The following ASPH variants were observed in gnomAD, a reference collection of about 807,000 sequenced individuals.
ASPH encodes aspartyl/asparaginyl beta-hydroxylase.
A neutral mutation model predicts 118.4 loss-of-function variants in ASPH; 100 were observed. The observed-to-expected ratio is 0.84, with a 90% CI of 0.72 to 1.00. The LOEUF (loss-of-function observed/expected upper bound fraction) is 1.00, where lower values mean the gene tolerates loss of function less well. Ranked by LOEUF, ASPH falls within the 50% of genes least tolerant of loss-of-function variation. The probability of loss-of-function intolerance (pLI) is 0.00; values close to 1 mark genes in which losing one functional copy is unlikely to be tolerated. For synonymous variants in ASPH, 315 were observed against 325.6 expected (o/e 0.97, Z 0.35); for missense variants, 920 against 919.5 (o/e 1.00, Z -0.01).
At chr8:61,670,388 T>C (rs1194362703) in intron 3 of ASPH, among the ~76,000 whole-genome samples, 1 of 151,980 alleles carries the variant, frequency 6.6e-6, no homozygotes, top group Non-Finnish European at 1.5e-5. Context: ...TTTATTATGT[T>C]ACTTACTAAA....
intron 21 of ASPH, among the ~76,000 whole-genome samples, chr8:61,545,822 C>T (rs964051930): frequency 6.6e-6 from 1 of 152,140 alleles, no homozygotes; most frequent in African/African-American, 2.4e-5. Flanking sequence ...AGGGTTTGAT[C>T]TGTTGGTTTA....
chr8:61,711,914 T>C (rs780499236), intron 1 of ASPH, among the ~76,000 whole-genome samples: 2 of 152,224 alleles, frequency 1.3e-5, no homozygotes, highest in Non-Finnish European at 2.9e-5. Context: ...GACAAAAGCA[T>C]AGTTTTCTCC....
rs913134482 is a variant in ASPH at position 61,502,617 on chromosome 8, C to G, written c.*742G>C. 19 of 152,210 alleles carry G rather than the reference C, an allele frequency of 1.2e-4. No homozygotes were observed. The highest frequency in any genetic ancestry group is 1.2e-3 in the Admixed American group (19 of 15,278). The allele number at this position is 152,210 out of a possible 1,614,324, so 9.4% of individuals were successfully genotyped here. ...TAACAATATAAAATAATTCCATGCT[C>G]TTTTTTCGGTGTGAAAAGTTCCTCT... On this transcript the variant is annotated 3_prime_UTR_variant, in exon 25 of 25. Transcript: ENST00000379454.
At chr8:61,508,986 G>A (rs1471883646) in intron 24 of ASPH, among the ~76,000 whole-genome samples, 1 of 151,846 alleles carries the variant, frequency 6.6e-6, no homozygotes, top group East Asian at 1.9e-4. Flanking sequence ...TAAGCAAAAC[G>A]TAAAACTGCA....
At chr8:61,685,288 T>C (rs1294909497) in intron 1 of ASPH, among the ~76,000 whole-genome samples, 3 of 152,056 alleles carry the variant, frequency 2.0e-5, no homozygotes, top group East Asian at 3.9e-4. Flanking sequence ...AAAAAAAACA[T>C]CCCCAGACAT....
intron 1 of ASPH, among the ~76,000 whole-genome samples, chr8:61,710,464 GATT>G (rs1165968262): frequency 1.3e-5 from 2 of 152,206 alleles, no homozygotes; most frequent in Non-Finnish European, 2.9e-5. Context: ...CTATGAGACA[GATT>G]ATTTTAAAGC....
chr8:61,532,852 T>C (rs1415182179), intron 21 of ASPH, among the ~76,000 whole-genome samples: 1 of 152,184 alleles, frequency 6.6e-6, no homozygotes, highest in African/African-American at 2.4e-5. Flanking sequence ...CTCTGTGCCT[T>C]AGTTTATAAA....
In ASPH at chr8:61,516,776, T is replaced by C. The variant is rs143536288; in HGVS notation, c.2126+752A>G. Among the ~76,000 whole-genome samples, 96 of 152,218 alleles carry C rather than the reference T, an allele frequency of 6.3e-4. No homozygotes were observed. In the East Asian group the frequency reaches 0.011, roughly 18 times the overall value. On this transcript the variant is annotated intron_variant, in intron 24 of 24. Coordinates refer to ENST00000379454, the MANE Select transcript of ASPH (RefSeq NM_004318.4). Reference sequence around the variant, plus strand: ...CTAGGGACAGAGATTATCAGCATCATAGGTACAGAAGCCAGAGCAAGTATG... The same window carrying C: ...CTAGGGACAGAGATTATCAGCATCACAGGTACAGAAGCCAGAGCAAGTATG...
At chr8:61,510,621 T>C (rs994264186) in intron 24 of ASPH, among the ~76,000 whole-genome samples, 1 of 152,150 alleles carries the variant, frequency 6.6e-6, no homozygotes, top group African/African-American at 2.4e-5. Flanking sequence ...GGTAGAGAAA[T>C]GTATGTGTGC....
chr8:61,689,224 T>C (rs1291566172), intron 1 of ASPH, among the ~76,000 whole-genome samples: 1 of 152,204 alleles, frequency 6.6e-6, no homozygotes, highest in Non-Finnish European at 1.5e-5. Flanking sequence ...CTGCTTCACA[T>C]AAAAGTAGGT....
intron 14 of ASPH, among the ~76,000 whole-genome samples, chr8:61,603,004 C>A (rs1461070486): frequency 1.3e-5 from 2 of 151,702 alleles, no homozygotes; most frequent in African/African-American, 4.8e-5. Flanking sequence ...ACCAGTCTGG[C>A]CAACATGGTG....
At chr8:61,572,570 C>T (rs1178909528) in intron 16 of ASPH, among the ~76,000 whole-genome samples, 1 of 152,160 alleles carries the variant, frequency 6.6e-6, no homozygotes, top group Non-Finnish European at 1.5e-5. Context: ...CAGGGGTCAG[C>T]CTTGAGTCCT....
chr8:61,589,469 C>A (rs142486585), intron 14 of ASPH, among the ~76,000 whole-genome samples: 23 of 152,288 alleles, frequency 1.5e-4, no homozygotes, highest in Non-Finnish European at 3.2e-4. Context: ...CTTACCTGCA[C>A]ACAAAAAGGA....
Position 61,584,036 on chromosome 8 carries a change from G to GA in ASPH, c.977-8dup, listed in dbSNP as rs1474066912. ...TTAGGCTTCTTTTTCTTAACTGAAA[G>GA]AAAAAAGAGATTTTTATTTTTAACG... On this transcript the variant is annotated splice_polypyrimidine_tract_variant and splice_region_variant and intron_variant, in intron 14 of 24. Coordinates refer to ENST00000379454, the MANE Select transcript of ASPH (RefSeq NM_004318.4). The GA allele has an allele frequency of 2.8e-6, 4 of 1,452,952 alleles. No individual in the cohort carries two copies. Among genetic ancestry groups the GA allele is most frequent in the African/African-American group, 2.9e-5 (2 of 69,226 alleles). The allele number at this position is 1,452,952 out of a possible 1,614,324, so 90.0% of individuals were successfully genotyped here.
At chr8:61,708,160 T>C (rs1194179108) in intron 1 of ASPH, among the ~76,000 whole-genome samples, 1 of 152,222 alleles carries the variant, frequency 6.6e-6, no homozygotes, top group South Asian at 2.1e-4. Context: ...CATTACTCTC[T>C]ACAATTATTT....
chr8:61,714,099 C>G (rs1838763268), intron 1 of ASPH, among the ~76,000 whole-genome samples, 170 bp downstream of exon 1: 1 of 152,186 alleles, frequency 6.6e-6, no homozygotes, highest in African/African-American at 2.4e-5. Flanking sequence ...GCCCGCCCGC[C>G]AGGCCCGCCG....
At position 61,643,400 on chromosome 8, in the gene ASPH, A is replaced by G. The variant is rs1806221863; in HGVS notation, c.743T>C (p.Leu248Ser). ...TCATCTAATACCTGTATCATGGTGC[A>G]ATCTTTCATCTTCTACTACTGGTTC... is the stretch of plus-strand genomic sequence containing the variant. Reference protein sequence around the residue: ...SSEPVVEDERLHHDTDDVTYQ... With the variant: ...SSEPVVEDERSHHDTDDVTYQ... The change falls in exon 9 of 25, where the codon TTG (leucine) becomes TCG (serine). Residue 248 changes from leucine to serine, a missense_variant. Leu to Ser is a moderately radical substitution (Grantham distance 145). Transcript: ENST00000379454. 1 of 1,605,978 alleles carries G rather than the reference A, an allele frequency of 6.2e-7. No homozygotes were observed. The highest frequency in any genetic ancestry group is 8.5e-7 in the Non-Finnish European group (1 of 1,179,530).
chr8:61,591,039 C>T (rs1252284179), intron 14 of ASPH, among the ~76,000 whole-genome samples: 3 of 152,108 alleles, frequency 2.0e-5, no homozygotes, highest in Non-Finnish European at 4.4e-5. Flanking sequence ...ACACAGTGCT[C>T]GCTCAAACTC....
chr8:61,578,158 T>G (rs1179780880), intron 15 of ASPH: 1 of 1,497,846 alleles, frequency 6.7e-7, no homozygotes. Context: ...AGAAGCAGCT[T>G]CTCCGCTCCT....
Sources: allele counts gnomAD v4.1 joint callset (sites outside exome capture counted in the v4.1 genomes callset), GRCh38; gene constraint gnomAD v4.1.1; transcripts MANE v1.5; gene names NCBI Gene and HGNC (gene_info 2026-07-23, HGNC 2026-07-21).